Variants in KIAA1328 observed in about 807,000 individuals in gnomAD.
The protein encoded by KIAA1328 is KIAA1328, also known as protein hinderin.
In KIAA1328, 52 loss-of-function variants were observed where a neutral mutation model predicts 68.1. The ratio of observed to expected loss-of-function variants is 0.76; its 90% CI spans 0.61 to 0.96. KIAA1328 has a LOEUF of 0.96. KIAA1328 is among the 40% of genes least tolerant of loss of function. KIAA1328 has a pLI of 0.00. For missense variants in KIAA1328, 641 were observed against 677.6 expected (o/e 0.95, Z 0.60); for synonymous variants, 232 against 239.4 (o/e 0.97, Z 0.28).
At position 37,114,367 on chromosome 18, in the gene KIAA1328, G is replaced by T. The variant is rs1008020947; in HGVS notation, c.1233-45833G>T. 2.0e-5 allele frequency among the ~76,000 whole-genome samples: 3 copies of T among 152,264 alleles called. No individual in the cohort carries two copies. The East Asian group carries it at 5.8e-4, about 29-fold the overall frequency. On this transcript the variant is annotated intron_variant, in intron 7 of 9. Coordinates refer to ENST00000280020, the MANE Select transcript of KIAA1328 (RefSeq NM_020776.3). Reference sequence around the variant, plus strand: ...AGGATTAAGAAACTCATTCAAAACCGCTCAACTACATGGAAACTGAACAAC... The same window carrying T: ...AGGATTAAGAAACTCATTCAAAACCTCTCAACTACATGGAAACTGAACAAC...
At chr18:36,959,738 G>A (rs2051581022) in intron 6 of KIAA1328, among the ~76,000 whole-genome samples, 1 of 152,188 alleles carries the variant, frequency 6.6e-6, no homozygotes, top group African/African-American at 2.4e-5. Context: ...TGAAGATCAG[G>A]TGGGCTGTTT....
chr18:36,877,989 G>A (rs951681167), intron 4 of KIAA1328, among the ~76,000 whole-genome samples: 3 of 152,044 alleles, frequency 2.0e-5, no homozygotes, highest in Non-Finnish European at 4.4e-5. Context: ...TTTAATTGGG[G>A]CATTTAGCCC....
intron 5 of KIAA1328, among the ~76,000 whole-genome samples, chr18:36,893,466 TGTG>T (rs2048768816): frequency 4.5e-4 from 14 of 30,918 alleles, no homozygotes; most frequent in African/African-American, 7.8e-4. Context: ...TGTGTGTTTT[TGTG>T]TGTGTGTGTG....
intron 9 of KIAA1328, among the ~76,000 whole-genome samples, chr18:37,199,499 G>C (rs1387133045): frequency 2.6e-5 from 4 of 152,108 alleles, no homozygotes; most frequent in Non-Finnish European, 5.9e-5. Context: ...ATCTGTCATT[G>C]AGGAGCATTT....
chr18:37,097,801 G>C (rs1190698320), intron 7 of KIAA1328, among the ~76,000 whole-genome samples: 1 of 152,182 alleles, frequency 6.6e-6, no homozygotes, highest in Non-Finnish European at 1.5e-5. Context: ...TCCCTTGTAA[G>C]TTGGATTCCT....
At chr18:36,973,812 T>TACAC (rs761416952) in intron 6 of KIAA1328, among the ~76,000 whole-genome samples, 12,522 of 103,340 alleles carry the variant, frequency 0.12, 693 homozygotes, top group Admixed American at 0.19. Context: ...TGTACGCACA[T>TACAC]ACACACACAC....
At chr18:37,077,190 C>A in intron 7 of KIAA1328, among the ~76,000 whole-genome samples, 1 of 143,782 alleles carries the variant, frequency 7.0e-6, no homozygotes, top group East Asian at 2.0e-4. Context: ...ATACGTAAAT[C>A]AATAAATGTA....
chr18:37,057,456 C>T (rs1318576620), intron 6 of KIAA1328, among the ~76,000 whole-genome samples: 2 of 146,738 alleles, frequency 1.4e-5, no homozygotes, highest in Non-Finnish European at 3.0e-5. Flanking sequence ...GAGACACAGT[C>T]TCACTCTGTC....
chr18:36,940,115 A>G (rs978462552), intron 5 of KIAA1328, among the ~76,000 whole-genome samples: 12 of 152,250 alleles, frequency 7.9e-5, no homozygotes, highest in Non-Finnish European at 1.5e-4. Flanking sequence ...TTATAAAAAG[A>G]TATGACTTTG....
Position 36,890,239 on chromosome 18 carries a change from TA to T in KIAA1328, c.448+4576del, listed in dbSNP as rs1228048316. ...TTCTTTCTTCTTCTTTTTTTTTTTT[TA>T]AAAAAAAAGCAAAATCACCTTTATT... On this transcript the variant is annotated intron_variant, in intron 5 of 9. Transcript: ENST00000280020. Among the ~76,000 whole-genome samples, 307 of 140,426 alleles carry T rather than the reference TA, an allele frequency of 2.2e-3. 2 individuals are homozygous for T. Among genetic ancestry groups the T allele is most frequent in the African/African-American group, 4.5e-3 (177 of 39,760 alleles). The allele number at this position is 140,426 out of a possible 152,430, so 92.1% of individuals were successfully genotyped here.
At chr18:36,896,747 A>G (rs1165020720) in intron 5 of KIAA1328, among the ~76,000 whole-genome samples, 1 of 152,140 alleles carries the variant, frequency 6.6e-6, no homozygotes, top group African/African-American at 2.4e-5. Context: ...AATCAATCTC[A>G]TAATTATCAT....
chr18:36,916,743 G>A (rs1242683091), intron 5 of KIAA1328, among the ~76,000 whole-genome samples: 2 of 152,054 alleles, frequency 1.3e-5, no homozygotes, highest in Admixed American at 6.6e-5. Flanking sequence ...TAATGAATGT[G>A]GTTTCTTACG....
At chr18:37,182,044 C>T (rs1035383705) in intron 9 of KIAA1328, among the ~76,000 whole-genome samples, 5 of 152,086 alleles carry the variant, frequency 3.3e-5, no homozygotes, top group Non-Finnish European at 7.4e-5. Context: ...ATTATCCTTC[C>T]TTGTTGTGTC....
At chr18:37,064,244 C>T (rs1568356123) in intron 6 of KIAA1328, among the ~76,000 whole-genome samples, 1 of 152,076 alleles carries the variant, frequency 6.6e-6, no homozygotes, top group Non-Finnish European at 1.5e-5. Flanking sequence ...AAATAGAAAT[C>T]CTTTAGCATT....
intron 5 of KIAA1328, among the ~76,000 whole-genome samples, chr18:36,941,899 A>G (rs2050726003): frequency 6.6e-6 from 1 of 152,158 alleles, no homozygotes; most frequent in African/African-American, 2.4e-5. Context: ...ACAACAATAA[A>G]AAGAAATTGT....
At chr18:36,921,992 A>G (rs1302868206) in intron 5 of KIAA1328, among the ~76,000 whole-genome samples, 1 of 151,778 alleles carries the variant, frequency 6.6e-6, no homozygotes, top group East Asian at 1.9e-4. Flanking sequence ...CAATGGCACG[A>G]TCGTGGCTCA....
rs1481431483 is a variant in KIAA1328, at chr18:36,959,403, G to A, written c.544G>A (p.Glu182Lys). Residue 182 changes from glutamate to lysine, a missense_variant, in exon 6 of 10, where the codon GAA becomes AAA. Transcript: ENST00000280020. The part of the protein sequence containing the change: ...QQEKLTMSLS[E>K]LGAARMQEQQ... ...GGAGAAGCTCACCATGTCTCTCTCA[G>A]AACTTGGTGCTGCTAGAATGCAGGA... The A allele has an allele frequency of 2.5e-6, 4 of 1,609,636 alleles. No individual in the cohort carries two copies. The highest frequency in any genetic ancestry group is 3.4e-6 in the Non-Finnish European group (4 of 1,178,258).
intron 7 of KIAA1328, among the ~76,000 whole-genome samples, chr18:37,075,912 T>A (rs2056714589): frequency 6.6e-6 from 1 of 152,102 alleles, no homozygotes; most frequent in Non-Finnish European, 1.5e-5. Flanking sequence ...CTGTCAACAT[T>A]AGACAGATCA....
intron 5 of KIAA1328, among the ~76,000 whole-genome samples, chr18:36,919,665 G>A (rs139266286): frequency 0.052 from 7,970 of 152,192 alleles, 285 homozygotes; most frequent in East Asian, 0.19. Context: ...TTCCACAGTG[G>A]CTGAACTAAT....
Sources: allele counts gnomAD v4.1 joint callset (sites outside exome capture counted in the v4.1 genomes callset), GRCh38; gene constraint gnomAD v4.1.1; transcripts MANE v1.5; gene names NCBI Gene and HGNC (gene_info 2026-07-23, HGNC 2026-07-21).